The following PADI4 variants were observed in gnomAD, a reference collection of about 807,000 sequenced individuals.
PADI4 encodes peptidyl arginine deiminase 4, also known as protein-arginine deiminase type-4.
In PADI4, 62 loss-of-function variants were observed where a neutral mutation model predicts 75.0. The observed-to-expected ratio is 0.83, with a 90% CI of 0.67 to 1.02. PADI4 has a LOEUF of 1.02. Among genes scored for constraint, PADI4 ranks in the 50% least tolerant of loss-of-function variants. The pLI is 0.00. For synonymous variants in PADI4, 361 were observed against 348.1 expected, an observed-to-expected ratio of 1.04 and a Z score of -0.41; for missense variants, 845 against 850.5, an observed-to-expected ratio of 0.99 and a Z score of 0.08.
At chr1:17,359,176 C>T in intron 14 of PADI4, 104 bp from the exon 15 acceptor site, 1 of 859,858 alleles carries the variant, frequency 1.2e-6, no homozygotes, top group Non-Finnish European at 1.9e-6. Flanking sequence ...TGACACTGTC[C>T]CAGGTCCTAC....
At chr1:17,321,586 T>A (rs1248655260) in intron 1 of PADI4, among the ~76,000 whole-genome samples, 1 of 152,206 alleles carries the variant, frequency 6.6e-6, no homozygotes, top group Admixed American at 6.5e-5. Flanking sequence ...TGAAATTGAC[T>A]TCGTGAGGGT....
intron 10 of PADI4, 40 bp downstream of exon 10, chr1:17,348,088 C>A (rs748317671): frequency 1.5e-6 from 2 of 1,308,484 alleles, no homozygotes; most frequent in East Asian, 2.3e-5. Flanking sequence ...GCTGCCGAAA[C>A]CCTCTTGTCT....
chr1:17,358,734 C>T, intron 13 of PADI4, 104 bp from the exon 14 acceptor site: 1 of 738,290 alleles, frequency 1.4e-6, no homozygotes, highest in South Asian at 1.6e-5. Context: ...ATTACTGACT[C>T]CATTTTATAG....
At chr1:17,333,638 C>T (rs893635347) in intron 2 of PADI4, among the ~76,000 whole-genome samples, 1 of 151,794 alleles carries the variant, frequency 6.6e-6, no homozygotes, top group Non-Finnish European at 1.5e-5. Flanking sequence ...GCCCCATCTC[C>T]AGCTGCTGGG....
At chr1:17,337,147 T>TTATA (rs1196889668) in intron 4 of PADI4, among the ~76,000 whole-genome samples, 3 of 148,098 alleles carry the variant, frequency 2.0e-5, no homozygotes, top group Non-Finnish European at 4.6e-5. Flanking sequence ...ATTTATGTAT[T>TTATA]TATGTATTTA....
At chr1:17,326,539 T>C (rs2074119791) in intron 1 of PADI4, among the ~76,000 whole-genome samples, 1 of 152,240 alleles carries the variant, frequency 6.6e-6, no homozygotes, top group Admixed American at 6.5e-5. Flanking sequence ...ACTAGTGACT[T>C]CTAACTTAGT....
At chr1:17,347,508 C>A (rs999516144) in intron 9 of PADI4, among the ~76,000 whole-genome samples, 3 of 152,130 alleles carry the variant, frequency 2.0e-5, no homozygotes, top group African/African-American at 7.2e-5. Flanking sequence ...AGGCCGCGAG[C>A]TCTGGCGCCA....
chr1:17,344,877 A>G (rs2074487489), intron 8 of PADI4, among the ~76,000 whole-genome samples: 2 of 152,180 alleles, frequency 1.3e-5, no homozygotes, highest in Non-Finnish European at 2.9e-5. Flanking sequence ...GTTGGTTTGG[A>G]GCCCCCACAC....
Position 17,333,814 on chromosome 1 carries a change from C to CA in PADI4, c.274-128dup. On this transcript the variant is annotated intron_variant, in intron 2 of 15. Transcript: ENST00000375448. ...TCCCATCGGATGGGGCCACTCCTTA[C>CA]AGGCTAGGACCAGTTCTTGCCCAAC... The CA allele has an allele frequency of 4.5e-6, 3 of 660,268 alleles. No individual in the cohort carries two copies. The South Asian group carries it at 5.3e-5, about 12-fold the overall frequency. The allele number at this position is 660,268 out of a possible 1,614,324, so 40.9% of individuals were successfully genotyped here.
chr1:17,358,957 G>A (rs377435430), intron 14 of PADI4, 49 bp downstream of exon 14: 9 of 1,303,408 alleles, frequency 6.9e-6, no homozygotes, highest in African/African-American at 1.5e-5. Context: ...CCCTGTCCCC[G>A]GCTCAGCCAC....
At chr1:17,334,396 A>G in intron 3 of PADI4, 1 of 460,336 alleles carries the variant, frequency 2.2e-6, no homozygotes, top group South Asian at 1.6e-5. Context: ...TGCGTCTCCC[A>G]GGTTCAAGCG....
At chr1:17,353,334 G>A (rs2074699912) in intron 10 of PADI4, among the ~76,000 whole-genome samples, 1 of 152,152 alleles carries the variant, frequency 6.6e-6, no homozygotes, top group Admixed American at 6.6e-5. Context: ...GGTTGTGATA[G>A]CATGCACCTG....
chr1:17,338,050 TGGGGCCCTTGTGGACAG>T lies in PADI4; in HGVS notation c.424_440del (p.Gly142CysfsTer8). 6.2e-7 allele frequency: 1 copy of T among 1,612,326 alleles called. No homozygotes were observed. Among genetic ancestry groups the T allele is most frequent in the Non-Finnish European group, 8.5e-7 (1 of 1,178,406 alleles). ...TGCTGGTGTCCAGAGGACCTGGACCTGGGGCCCTTGTGGACAGGGTGCCATCCTGCTGGTGAACTGTG... is the reference window on the plus strand; with the variant it reads ...TGCTGGTGTCCAGAGGACCTGGACCTGGTGCCATCCTGCTGGTGAACTGTG... On this transcript the variant is annotated frameshift_variant, in exon 5 of 16. Transcript: ENST00000375448. LOFTEE classifies it high-confidence loss of function.
chr1:17,340,491 C>A (rs951946704), intron 6 of PADI4, among the ~76,000 whole-genome samples: 4 of 152,024 alleles, frequency 2.6e-5, no homozygotes, highest in African/African-American at 9.7e-5. Flanking sequence ...CAGACAGACA[C>A]CTAGGGGAAG....
Position 17,363,757 on chromosome 1 carries a change from C to T in PADI4, c.*2C>T, listed in dbSNP as rs1185910522. 2 of 1,600,554 alleles carry T rather than the reference C, an allele frequency of 1.2e-6. No individual in the cohort carries two copies. Among genetic ancestry groups the T allele is most frequent in the Non-Finnish European group, 1.7e-6 (2 of 1,167,942 alleles). Reference sequence around the variant, plus strand: ...AAGTGGTGGAACATGGTGCCCTGAGCCCATCTTCCCTGGCGTCCTCTCCCT... The same window carrying T: ...AAGTGGTGGAACATGGTGCCCTGAGTCCATCTTCCCTGGCGTCCTCTCCCT... On this transcript the variant is annotated 3_prime_UTR_variant, in exon 16 of 16. Coordinates refer to ENST00000375448, the MANE Select transcript of PADI4 (RefSeq NM_012387.3).
At chr1:17,352,261 A>G (rs2074676569) in intron 10 of PADI4, among the ~76,000 whole-genome samples, 1 of 144,276 alleles carries the variant, frequency 6.9e-6, no homozygotes, top group African/African-American at 2.8e-5. Flanking sequence ...GTGGTCAAGG[A>G]GGTGATGGGA....
intron 1 of PADI4, among the ~76,000 whole-genome samples, chr1:17,319,194 G>A (rs1251451765): frequency 6.6e-6 from 1 of 152,076 alleles, no homozygotes; most frequent in Non-Finnish European, 1.5e-5. Context: ...TGGTTCAAGT[G>A]TTTTTTTGAT....
rs138844766 is a variant in PADI4 at position 17,363,572 on chromosome 1, G to A, written c.1809G>A (p.Gly603=). 1.6e-5 allele frequency: 26 copies of A among 1,613,862 alleles called. No homozygotes were observed. In the African/African-American group the frequency reaches 3.3e-4, roughly 21 times the overall value. The change falls in exon 16 of 16, where the codon GGG becomes GGA. Residue 603 remains glycine (G), a synonymous_variant. Transcript: ENST00000375448. The part of the protein sequence containing the change: ...GKHLGIPKPF[G]PVINGRCCLE... Reference sequence around the variant, plus strand: ...ACCTGGGCATCCCCAAGCCCTTCGGGCCCGTCATCAACGGCCGCTGCTGCC... The same window carrying A: ...ACCTGGGCATCCCCAAGCCCTTCGGACCCGTCATCAACGGCCGCTGCTGCC...
At chr1:17,334,618 A>G (rs916377187) in intron 3 of PADI4, 14 of 456,126 alleles carry the variant, frequency 3.1e-5, no homozygotes, top group Non-Finnish European at 5.3e-5. Context: ...TTCCTTTTTG[A>G]TACCTCAAAT....
Sources: allele counts gnomAD v4.1 joint callset (sites outside exome capture counted in the v4.1 genomes callset), GRCh38; gene constraint gnomAD v4.1.1; transcripts MANE v1.5; gene names NCBI Gene and HGNC (gene_info 2026-07-23, HGNC 2026-07-21).